Variants in LYPD6B observed in about 807,000 individuals in gnomAD.
The protein encoded by LYPD6B is ly6/PLAUR domain-containing protein 6B.
LYPD6B carries 17 observed loss-of-function variants against 22.8 expected under a neutral mutation model. That is an observed-to-expected ratio of 0.75 (90% CI 0.51 to 1.12). The LOEUF (loss-of-function observed/expected upper bound fraction) is 1.12. LYPD6B is among the 50% of genes most tolerant of loss of function. The pLI is 0.00. For synonymous variants in LYPD6B, 106 were observed against 91.6 expected (o/e 1.16, Z -0.90); for missense variants, 221 against 258.3 (o/e 0.86, Z 0.99).
At chr2:149,207,074 T>C (rs1024354057) in intron 4 of LYPD6B, among the ~76,000 whole-genome samples, 2 of 152,294 alleles carry the variant, frequency 1.3e-5, no homozygotes, top group African/African-American at 4.8e-5. Context: ...GTTGTGCCAA[T>C]TTATACTTTA....
At chr2:149,194,117 T>G (rs563002441) in intron 3 of LYPD6B, among the ~76,000 whole-genome samples, 2 of 152,354 alleles carry the variant, frequency 1.3e-5, no homozygotes, top group East Asian at 3.9e-4. Flanking sequence ...CAGCTAGCTC[T>G]ATCTTCTGGT....
At chr2:149,201,398 A>G (rs11894546) in intron 3 of LYPD6B, among the ~76,000 whole-genome samples, 4 of 152,036 alleles carry the variant, frequency 2.6e-5, no homozygotes, top group African/African-American at 4.8e-5. Context: ...TATAAGCTCT[A>G]TTGTGACCTT....
At chr2:149,187,127 A>G (rs570753853) in intron 3 of LYPD6B, among the ~76,000 whole-genome samples, 2 of 152,348 alleles carry the variant, frequency 1.3e-5, no homozygotes, top group African/African-American at 4.8e-5. Context: ...CTGCACCAGG[A>G]AACTAAAACA....
At chr2:149,059,157 C>A (rs1683950109) in intron 1 of LYPD6B, among the ~76,000 whole-genome samples, 1 of 152,226 alleles carries the variant, frequency 6.6e-6, no homozygotes. Flanking sequence ...AGGGTTGGGC[C>A]TCCCCATGAG....
At chr2:149,073,588 G>A (rs1200087906) in intron 1 of LYPD6B, among the ~76,000 whole-genome samples, 1 of 152,116 alleles carries the variant, frequency 6.6e-6, no homozygotes, top group Non-Finnish European at 1.5e-5. Flanking sequence ...GCATTAGGAA[G>A]ATCCGTTGTG....
intron 4 of LYPD6B, among the ~76,000 whole-genome samples, chr2:149,206,996 A>G (rs370350325): frequency 6.6e-5 from 10 of 152,242 alleles, no homozygotes; most frequent in East Asian, 1.9e-4. Flanking sequence ...TTTTAAATTC[A>G]CTATTTCTTC....
At chr2:149,173,308 A>T (rs138481491) in intron 3 of LYPD6B, among the ~76,000 whole-genome samples, 1 of 140,854 alleles carries the variant, frequency 7.1e-6, no homozygotes, top group East Asian at 2.1e-4. Context: ...TTTATATTTA[A>T]CATCTTGTTG....
chr2:149,111,127 ATAG>A (rs1190548667), intron 1 of LYPD6B, among the ~76,000 whole-genome samples: 1 of 152,040 alleles, frequency 6.6e-6, no homozygotes, highest in African/African-American at 2.4e-5. Flanking sequence ...AAGGGAGAGA[ATAG>A]TAGGAGGTGA....
chr2:149,164,655 C>T (rs929882953), intron 3 of LYPD6B, among the ~76,000 whole-genome samples: 4 of 152,184 alleles, frequency 2.6e-5, no homozygotes, highest in Non-Finnish European at 5.9e-5. Flanking sequence ...TAACTTGGCA[C>T]CCTACCTTGG....
In LYPD6B at chr2:149,144,191, T is replaced by G. The variant is rs543951635; in HGVS notation, c.5+13238T>G. Among the ~76,000 whole-genome samples the G allele has an allele frequency of 5.7e-4, 87 of 152,320 alleles. No individual in the cohort carries two copies. In the South Asian group the frequency reaches 0.018, roughly 31 times the overall value. ...TGGTTCATCAGTGGCTTCAGCTTAATGCAGAGGATGGCAAACTATGGCCTG... is the reference window on the plus strand; with the variant it reads ...TGGTTCATCAGTGGCTTCAGCTTAAGGCAGAGGATGGCAAACTATGGCCTG... On this transcript the variant is annotated intron_variant, in intron 2 of 6. Coordinates refer to ENST00000409642, the MANE Select transcript of LYPD6B (RefSeq NM_177964.5).
intron 2 of LYPD6B, chr2:149,143,846 C>G (rs1418735102): frequency 6.6e-6 from 1 of 152,134 alleles, no homozygotes; most frequent in Non-Finnish European, 1.5e-5. Flanking sequence ...TTATTTTATG[C>G]TTTTCACATC....
intron 1 of LYPD6B, chr2:149,068,948 A>AT (rs1684465862): frequency 4.0e-6 from 1 of 251,220 alleles, no homozygotes; most frequent in African/African-American, 2.3e-5. Context: ...ATTTCTAAAA[A>AT]TTATCTCGTC....
chr2:149,062,526 A>G (rs919457117), intron 1 of LYPD6B, among the ~76,000 whole-genome samples: 1 of 152,200 alleles, frequency 6.6e-6, no homozygotes, highest in Non-Finnish European at 1.5e-5. Context: ...CTACATGGAA[A>G]AGCAACAGGA....
intron 2 of LYPD6B, among the ~76,000 whole-genome samples, chr2:149,148,724 C>A (rs1689183583): frequency 6.6e-6 from 1 of 152,154 alleles, no homozygotes; most frequent in African/African-American, 2.4e-5. Flanking sequence ...AAATTAAACC[C>A]CTCTCTGTGC....
intron 1 of LYPD6B, among the ~76,000 whole-genome samples, chr2:149,130,117 C>G (rs1050075621): frequency 2.0e-5 from 3 of 152,164 alleles, no homozygotes; most frequent in African/African-American, 4.8e-5. Flanking sequence ...ACTCTTAAGT[C>G]TCTGTGATTT....
chr2:149,173,226 A>G (rs1690977741), intron 3 of LYPD6B, among the ~76,000 whole-genome samples: 2 of 151,820 alleles, frequency 1.3e-5, no homozygotes, highest in South Asian at 4.1e-4. Flanking sequence ...CTTATAATTC[A>G]TATAGACGAA....
At chr2:149,138,774 C>A (rs1408737300) in intron 2 of LYPD6B, among the ~76,000 whole-genome samples, 1 of 152,156 alleles carries the variant, frequency 6.6e-6, no homozygotes, top group Non-Finnish European at 1.5e-5. Context: ...CTCCTGAACT[C>A]CTGCCTCAAG....
At chr2:149,155,606 A>ACCC (rs1689648110) in intron 2 of LYPD6B, among the ~76,000 whole-genome samples, 1 of 152,214 alleles carries the variant, frequency 6.6e-6, no homozygotes, top group East Asian at 1.9e-4. Context: ...GGTGAGCAAG[A>ACCC]CCAGGGAGTC....
In LYPD6B at chr2:149,060,184, C is replaced by A. The variant is rs77540458; in HGVS notation, c.-67+21383C>A. Reference sequence around the variant, plus strand: ...ATGGTTAGGCAAGGTGGGCTAGGCACTTTGCAAGGCCATTTAGCACAGAAG... The same window carrying A: ...ATGGTTAGGCAAGGTGGGCTAGGCAATTTGCAAGGCCATTTAGCACAGAAG... On this transcript the variant is annotated intron_variant, in intron 1 of 6. Transcript: ENST00000409642. Among the ~76,000 whole-genome samples, 120 of 152,262 alleles carry A rather than the reference C, an allele frequency of 7.9e-4. 1 individual carries two copies. In the East Asian group the frequency reaches 0.022, roughly 28 times the overall value.
Sources: gnomAD v4.1 joint callset for allele counts (sites outside exome capture counted in the v4.1 genomes callset) on GRCh38, gnomAD v4.1.1 for gene constraint, MANE v1.5 for transcripts, NCBI Gene and HGNC (gene_info 2026-07-23, HGNC 2026-07-21) for gene names.